ANOS1: variants seen among roughly 807,000 people sequenced by gnomAD.
ANOS1 encodes the protein anosmin 1, also known as anosmin-1.
In ANOS1, 6 loss-of-function variants were observed where a neutral mutation model predicts 59.0. The ratio of observed to expected loss-of-function variants is 0.10; its 90% CI spans 0.06 to 0.20. ANOS1 has a LOEUF of 0.20. ANOS1 is among the 10% of genes least tolerant of loss of function. The pLI, the probability that ANOS1 is intolerant of heterozygous loss-of-function variation, is 1.00. For missense variants in ANOS1, 433 were observed against 542.3 expected (o/e 0.80, Z 2.00); for synonymous variants, 217 against 223.4 (o/e 0.97, Z 0.25).
intron 10 of ANOS1, among the ~76,000 whole-genome samples, chrX:8,537,567 C>T (rs1259890963): frequency 9.0e-6 from 1 of 111,441 alleles, no homozygotes; most frequent in African/African-American, 3.3e-5. Context: ...CTAAATGGCA[C>T]TTATCCATTC....
At chrX:8,542,747 C>T (rs1016267384) in intron 9 of ANOS1, among the ~76,000 whole-genome samples, 1 of 110,968 alleles carries the variant, frequency 9.0e-6, no homozygotes. Flanking sequence ...GAGTCCTTCG[C>T]ACCATGCCAT....
rs756294752 is a variant in ANOS1 at position 8,656,966 on chromosome X, G to A, written c.256-33296C>T. The stretch of plus-strand genomic sequence containing the variant: ...GTGGTAGGTGTCTTTGTTATTCATG[G>A]TGCCCCTAGGACCATGCCTGTTAGT... On this transcript the variant is annotated intron_variant, in intron 2 of 13. Transcript: ENST00000262648. 5.4e-5 allele frequency among the ~76,000 whole-genome samples: 6 copies of A among 111,808 alleles called. No individual in the cohort carries two copies. The South Asian group carries it at 2.3e-3, about 42-fold the overall frequency.
intron 3 of ANOS1, among the ~76,000 whole-genome samples, chrX:8,602,987 C>A (rs1930873594): frequency 1.8e-5 from 2 of 111,838 alleles, no homozygotes; most frequent in South Asian, 3.7e-4. Flanking sequence ...GATCTGCCTG[C>A]CTTGGCCTCC....
chrX:8,575,163 T>C (rs991472875), intron 6 of ANOS1, among the ~76,000 whole-genome samples: 8 of 112,216 alleles, frequency 7.1e-5, no homozygotes, highest in African/African-American at 9.7e-5. Flanking sequence ...CTAAAGTGAA[T>C]TGCAAAATCA....
At chrX:8,668,394 C>CATATATATATATATATAT (rs202229567) in intron 2 of ANOS1, among the ~76,000 whole-genome samples, 4 of 51,568 alleles carry the variant, frequency 7.8e-5, no homozygotes, top group Non-Finnish European at 7.4e-5. Context: ...AGTATTCCAT[C>CATATATATATATATATAT]ATATATATAT....
chrX:8,537,714 A>G (rs1381370656), intron 10 of ANOS1, among the ~76,000 whole-genome samples: 2 of 109,793 alleles, frequency 1.8e-5, no homozygotes, highest in Non-Finnish European at 3.8e-5. Context: ...GTTTGTGACC[A>G]GCTTGGTCAA....
intron 2 of ANOS1, among the ~76,000 whole-genome samples, chrX:8,690,344 T>A (rs1404614240): frequency 4.4e-5 from 5 of 112,380 alleles, no homozygotes; most frequent in African/African-American, 1.6e-4. Flanking sequence ...AACAGATGCT[T>A]GGTGAACAGC....
chrX:8,565,256 G>A (rs1473081443), intron 8 of ANOS1, among the ~76,000 whole-genome samples: 1 of 112,206 alleles, frequency 8.9e-6, no homozygotes, highest in African/African-American at 3.2e-5. Context: ...TAAAAGACAT[G>A]CTTATTTTAT....
intron 4 of ANOS1, among the ~76,000 whole-genome samples, chrX:8,592,122 A>C (rs1930632359): frequency 8.9e-6 from 1 of 111,972 alleles, no homozygotes; most frequent in Non-Finnish European, 1.9e-5. Flanking sequence ...ACTCATTGTG[A>C]GATTTTATTA....
At chrX:8,616,400 T>C (rs2146841160) in intron 3 of ANOS1, among the ~76,000 whole-genome samples, 1 of 111,890 alleles carries the variant, frequency 8.9e-6, no homozygotes, top group Non-Finnish European at 1.9e-5. Flanking sequence ...GTTTAACTCA[T>C]AGACCTGTTT....
At chrX:8,649,449 C>T (rs1931814550) in intron 2 of ANOS1, among the ~76,000 whole-genome samples, 1 of 111,632 alleles carries the variant, frequency 9.0e-6, no homozygotes, top group African/African-American at 3.3e-5. Context: ...CAGGGATTCA[C>T]CAATGAGCCA....
intron 8 of ANOS1, among the ~76,000 whole-genome samples, chrX:8,555,893 A>G (rs1008795132): frequency 8.9e-6 from 1 of 112,715 alleles, no homozygotes; most frequent in Non-Finnish European, 1.9e-5. Context: ...TACAACAAAA[A>G]AAGAAAATTT....
chrX:8,596,775 T>G (rs947697362), intron 4 of ANOS1, among the ~76,000 whole-genome samples: 7 of 112,105 alleles, frequency 6.2e-5, no homozygotes, highest in African/African-American at 2.3e-4. Flanking sequence ...AAAATGTTCC[T>G]GAATTGTTGC....
chrX:8,530,550 C>G lies in ANOS1; in HGVS notation c.*2445G>C, dbSNP rs1363825183. The G allele has an allele frequency of 9.1e-6, 1 of 109,707 alleles. No homozygotes were observed. The highest frequency in any genetic ancestry group is 1.9e-5 in the Non-Finnish European group (1 of 52,555). 9.0% of individuals were successfully genotyped at this position (109,707 alleles called of 1,213,427 possible). A position where few individuals can be genotyped will look rare whatever the true frequency, so the allele number is the denominator to read the frequency against. Reference sequence around the variant, plus strand: ...AATAGCATTTTTCTTCCAATAACACCAATAAAATTTAAATTATTTATTTAT... The same window carrying G: ...AATAGCATTTTTCTTCCAATAACACGAATAAAATTTAAATTATTTATTTAT... On this transcript the variant is annotated 3_prime_UTR_variant, in exon 14 of 14. Coordinates refer to ENST00000262648, the MANE Select transcript of ANOS1 (RefSeq NM_000216.4).
intron 3 of ANOS1, among the ~76,000 whole-genome samples, chrX:8,607,071 T>C (rs566730525): frequency 8.9e-6 from 1 of 112,059 alleles, no homozygotes; most frequent in African/African-American, 3.2e-5. Flanking sequence ...GAGCCAAGAT[T>C]GCACAATTGC....
chrX:8,588,690 T>C (rs764451526), intron 4 of ANOS1, among the ~76,000 whole-genome samples: 1 of 112,653 alleles, frequency 8.9e-6, no homozygotes, highest in South Asian at 3.7e-4. Flanking sequence ...AGGTGTTTCA[T>C]TTTAAAGTAG....
chrX:8,613,434 C>T lies in ANOS1; in HGVS notation c.318+10174G>A, dbSNP rs181148365. On this transcript the variant is annotated intron_variant, in intron 3 of 13. Transcript: ENST00000262648. ...GGAGATGGGGTCTGACTTTGTTGTC[C>T]AGGCTGGTCTTAAACTCCTGGGCTC... Among the ~76,000 whole-genome samples, 12 of 110,308 alleles carry T rather than the reference C, an allele frequency of 1.1e-4. No individual in the cohort carries two copies. In the Admixed American group the frequency reaches 1.2e-3, roughly 11 times the overall value.
chrX:8,679,211 C>T (rs1488121534), intron 2 of ANOS1, among the ~76,000 whole-genome samples: 1 of 111,395 alleles, frequency 9.0e-6, no homozygotes, highest in Non-Finnish European at 1.9e-5. Flanking sequence ...TGCCAACCTT[C>T]AGTTCAACAA....
chrX:8,714,316 T>C (rs1932829585), intron 1 of ANOS1, among the ~76,000 whole-genome samples: 1 of 111,872 alleles, frequency 8.9e-6, no homozygotes, highest in Non-Finnish European at 1.9e-5. Flanking sequence ...CAATATGTTA[T>C]ACATAACAAG....
Sources: gnomAD v4.1 joint callset for allele counts (sites outside exome capture counted in the v4.1 genomes callset) on GRCh38, gnomAD v4.1.1 for gene constraint, MANE v1.5 for transcripts, NCBI Gene and HGNC (gene_info 2026-07-23, HGNC 2026-07-21) for gene names.